Variants in SIPA1L3 observed in about 807,000 individuals in gnomAD.
SIPA1L3 encodes the protein signal induced proliferation associated 1 like 3, also known as signal-induced proliferation-associated 1-like protein 3.
SIPA1L3 carries 59 observed loss-of-function variants against 150.1 expected under a neutral mutation model. The ratio of observed to expected loss-of-function variants is 0.39; its 90% confidence interval spans 0.32 to 0.49. The LOEUF (loss-of-function observed/expected upper bound fraction) is 0.49, where lower values mean the gene tolerates loss of function less well. Among genes scored for constraint, SIPA1L3 ranks in the 20% least tolerant of loss-of-function variants. SIPA1L3 has a pLI of 0.86. For missense variants in SIPA1L3, 2,211 were observed against 2,489.5 expected, an observed-to-expected ratio of 0.89 and a Z score of 2.38; for synonymous variants, 1,070 against 1,077.6, an observed-to-expected ratio of 0.99 and a Z score of 0.14.
chr19:37,952,094 A>G (rs978745746), intron 1 of SIPA1L3, among the ~76,000 whole-genome samples: 1 of 152,048 alleles, frequency 6.6e-6, no homozygotes, highest in African/African-American at 2.4e-5. Context: ...GCTCCCAGGA[A>G]AGAAGAGGAG....
rs540221129 is a variant in SIPA1L3 at position 37,957,540 on chromosome 19, A to AT, written c.-379+50191dup. On this transcript the variant is annotated intron_variant, in intron 1 of 21. Coordinates refer to ENST00000222345, the MANE Select transcript of SIPA1L3 (RefSeq NM_015073.3). ...TTTTTTTTATGCTATTGTGAATGGA[A>AT]TTTTTTTTTCTTTTTTTTCTTTTTT... Among the ~76,000 whole-genome samples the AT allele has an allele frequency of 8.4e-3, 1,252 of 149,832 alleles. 6 individuals are homozygous for AT. Among genetic ancestry groups the AT allele is most frequent in the Non-Finnish European group, 0.012 (813 of 67,514 alleles).
intron 15 of SIPA1L3, among the ~76,000 whole-genome samples, chr19:38,167,520 CTGTCTGAG>C (rs1972237072): frequency 6.6e-6 from 1 of 152,156 alleles, no homozygotes; most frequent in South Asian, 2.1e-4. Flanking sequence ...GAGAGAGACA[CTGTCTGAG>C]TGTTTTAGAC....
At chr19:38,079,301 C>CT in intron 2 of SIPA1L3, among the ~76,000 whole-genome samples, 1 of 152,358 alleles carries the variant, frequency 6.6e-6, no homozygotes, top group South Asian at 2.1e-4. Flanking sequence ...CCACTGTACT[C>CT]CAGCCTGGGC....
intron 2 of SIPA1L3, among the ~76,000 whole-genome samples, chr19:38,039,474 A>G (rs1968863532): frequency 6.6e-6 from 1 of 151,730 alleles, no homozygotes. Flanking sequence ...CGGGTGAATC[A>G]CTTGAGGCCA....
intron 4 of SIPA1L3, among the ~76,000 whole-genome samples, chr19:38,098,204 G>A (rs1438869789): frequency 6.6e-6 from 1 of 152,142 alleles, no homozygotes; most frequent in Non-Finnish European, 1.5e-5. Flanking sequence ...ACTACCAGTA[G>A]CTAAAACAAA....
chr19:37,953,636 C>T (rs1188143481), intron 1 of SIPA1L3, among the ~76,000 whole-genome samples: 1 of 152,202 alleles, frequency 6.6e-6, no homozygotes, highest in Non-Finnish European at 1.5e-5. Flanking sequence ...TTGAATTGAC[C>T]TATCGGTTCA....
chr19:38,145,346 A>T (rs923507258), intron 12 of SIPA1L3, among the ~76,000 whole-genome samples: 9 of 152,030 alleles, frequency 5.9e-5, no homozygotes, highest in African/African-American at 2.2e-4. Context: ...AGCCTGGCCA[A>T]CATGATGAAA....
chr19:38,166,070 T>C (rs1390312838), intron 15 of SIPA1L3, among the ~76,000 whole-genome samples: 3 of 152,062 alleles, frequency 2.0e-5, no homozygotes, highest in South Asian at 2.1e-4. Context: ...GCTGAGAATA[T>C]GCATTAAGTT....
At chr19:38,183,366 C>T (rs1972603979) in intron 16 of SIPA1L3, among the ~76,000 whole-genome samples, 1 of 145,858 alleles carries the variant, frequency 6.9e-6, no homozygotes, top group Non-Finnish European at 1.5e-5. Context: ...AGGGTGGGGG[C>T]GGAGAGGGTG....
At chr19:38,167,884 T>C (rs187899407) in intron 15 of SIPA1L3, among the ~76,000 whole-genome samples, 1 of 152,280 alleles carries the variant, frequency 6.6e-6, no homozygotes, top group East Asian at 1.9e-4. Flanking sequence ...TCTTAATCTT[T>C]TGAACATGTG....
At position 38,030,016 on chromosome 19, in the gene SIPA1L3, G is replaced by A. The variant is rs1427556647; in HGVS notation, c.-311+860G>A. ...ATTACAGGCCCCTGACATCATGCCCGGCTGATTTTTGTATTTTTGTAGAGA... is the reference window on the plus strand; with the variant it reads ...ATTACAGGCCCCTGACATCATGCCCAGCTGATTTTTGTATTTTTGTAGAGA... On this transcript the variant is annotated intron_variant, in intron 2 of 21. Transcript: ENST00000222345. Among the ~76,000 whole-genome samples the A allele has an allele frequency of 2.0e-5, 3 of 151,978 alleles. No individual in the cohort carries two copies. In the South Asian group the frequency reaches 6.2e-4, roughly 32 times the overall value.
Position 38,081,751 on chromosome 19 carries a change from C to A in SIPA1L3, c.186C>A (p.Thr62=), listed in dbSNP as rs749461630. The change falls in exon 3 of 22, where the codon ACC becomes ACA. Residue 62 remains threonine, a synonymous_variant. Coordinates refer to ENST00000222345, the MANE Select transcript of SIPA1L3 (RefSeq NM_015073.3). ...ESPATATATA[T]ATTRPSPTTP... is the part of the protein sequence containing the mutation. Reference sequence around the variant, plus strand: ...CGGCCACCGCCACCGCCACCGCCACCGCCACCACCCGCCCCAGCCCCACCA... The same window carrying A: ...CGGCCACCGCCACCGCCACCGCCACAGCCACCACCCGCCCCAGCCCCACCA... The A allele has an allele frequency of 1.9e-6, 3 of 1,601,866 alleles. No individual in the cohort carries two copies. The highest frequency in any genetic ancestry group is 2.6e-6 in the Non-Finnish European group (3 of 1,175,854).
chr19:37,999,967 C>T (rs1967743659), intron 1 of SIPA1L3, among the ~76,000 whole-genome samples: 1 of 152,182 alleles, frequency 6.6e-6, no homozygotes. Flanking sequence ...CACTTGTGAC[C>T]TTGAGAAAGT....
At chr19:37,923,442 G>T (rs2046474256) in intron 1 of SIPA1L3, among the ~76,000 whole-genome samples, 1 of 152,208 alleles carries the variant, frequency 6.6e-6, no homozygotes, top group Non-Finnish European at 1.5e-5. Flanking sequence ...ACAATGGCAA[G>T]TATTTGTGTA....
chr19:37,980,129 T>C (rs1319255551), intron 1 of SIPA1L3, among the ~76,000 whole-genome samples: 2 of 152,228 alleles, frequency 1.3e-5, no homozygotes, highest in African/African-American at 4.8e-5. Context: ...TTTTTATTTG[T>C]GGCACTTAAA....
chr19:38,130,373 C>T (rs1971276783), intron 9 of SIPA1L3, 125 bp from the exon 10 acceptor site: 13 of 982,600 alleles, frequency 1.3e-5, no homozygotes, highest in African/African-American at 3.2e-5. Flanking sequence ...TGCCATCACC[C>T]GGGAAGGTAT....
intron 1 of SIPA1L3, among the ~76,000 whole-genome samples, chr19:37,955,321 GC>G (rs1176544577): frequency 6.6e-6 from 1 of 151,748 alleles, no homozygotes; most frequent in Non-Finnish European, 1.5e-5. Flanking sequence ...AACCTAGGAG[GC>G]GGAGGTTGCC....
chr19:37,914,813 T>A (rs1018643341), intron 1 of SIPA1L3, among the ~76,000 whole-genome samples: 1 of 152,204 alleles, frequency 6.6e-6, no homozygotes, highest in East Asian at 1.9e-4. Context: ...CCTACTTTTT[T>A]ATAAAATAAT....
At chr19:37,966,252 A>C (rs756437084) in intron 1 of SIPA1L3, among the ~76,000 whole-genome samples, 4 of 152,236 alleles carry the variant, frequency 2.6e-5, no homozygotes, top group Non-Finnish European at 4.4e-5. Flanking sequence ...GGGAGCTGGC[A>C]GGTTCCGTCC....
Sources: allele counts gnomAD v4.1 joint callset (sites outside exome capture counted in the v4.1 genomes callset), GRCh38; gene constraint gnomAD v4.1.1; transcripts MANE v1.5; gene names NCBI Gene and HGNC (gene_info 2026-07-23, HGNC 2026-07-21).